TANC1: variants seen among roughly 807,000 people sequenced by gnomAD.
The protein encoded by TANC1 is tetratricopeptide repeat, ankyrin repeat and coiled-coil containing 1.
A neutral mutation model predicts 149.7 loss-of-function variants in TANC1; 77 were observed. The ratio of observed to expected loss-of-function variants is 0.51; its 90% CI spans 0.43 to 0.62. The LOEUF is 0.62. TANC1 is among the 20% of genes least tolerant of loss of function. The pLI, the probability that TANC1 is intolerant of heterozygous loss-of-function variation, is 0.00. For synonymous variants in TANC1, 854 were observed against 925.0 expected (o/e 0.92, Z 1.39); for missense variants, 1,985 against 2,321.8 (o/e 0.85, Z 2.98).
intron 4 of TANC1, among the ~76,000 whole-genome samples, chr2:159,134,793 T>C (rs1175745580): frequency 6.6e-6 from 1 of 151,802 alleles, no homozygotes; most frequent in Admixed American, 6.6e-5. Context: ...TCTTTGTTAT[T>C]ATTTTTGTAT....
In TANC1 at chr2:159,186,998, A is replaced by G; in HGVS notation, c.2716A>G (p.Arg906Gly). ...GCTGTCCGCCGCCCTGGCCTCTCTC[A>G]GGAATCTCTATACTCCCAACGTGAA... The part of the protein sequence containing the change: ...EGLSAALASL[R>G]NLYTPNVKVS... Residue 906 changes from arginine to glycine, a missense_variant, in exon 16 of 27, where the codon AGG (arginine) becomes GGG (glycine). Arg to Gly is a moderately radical substitution (Grantham distance 125). Coordinates refer to ENST00000263635, the MANE Select transcript of TANC1 (RefSeq NM_033394.3). The G allele has an allele frequency of 1.2e-6, 2 of 1,614,206 alleles. No homozygotes were observed. Among genetic ancestry groups the G allele is most frequent in the South Asian group, 1.1e-5 (1 of 91,082 alleles).
At chr2:159,157,925 G>C (rs944537584) in intron 7 of TANC1, among the ~76,000 whole-genome samples, 1 of 152,152 alleles carries the variant, frequency 6.6e-6, no homozygotes. Flanking sequence ...CTGCAACCCA[G>C]GGAAGGACAA....
intron 7 of TANC1, chr2:159,150,770 C>G: frequency 2.6e-6 from 1 of 382,310 alleles, no homozygotes; most frequent in Non-Finnish European, 4.4e-6. Flanking sequence ...ACAGTCAGCT[C>G]ATTTGTTAAA....
intron 2 of TANC1, among the ~76,000 whole-genome samples, chr2:159,053,302 A>G (rs1382302976): frequency 6.6e-6 from 1 of 152,110 alleles, no homozygotes; most frequent in African/African-American, 2.4e-5. Flanking sequence ...AGAAAAAAAT[A>G]AAGCTATTGT....
chr2:159,056,057 C>G, intron 2 of TANC1: 1 of 316,678 alleles, frequency 3.2e-6, no homozygotes, highest in Non-Finnish European at 6.3e-6. Flanking sequence ...AAGAAGCAGT[C>G]AGACTGCATG....
At chr2:159,065,414 A>G (rs1486107708) in intron 2 of TANC1, among the ~76,000 whole-genome samples, 1 of 152,224 alleles carries the variant, frequency 6.6e-6, no homozygotes, top group African/African-American at 2.4e-5. Context: ...GATATGCCTC[A>G]TTTCATAACC....
intron 26 of TANC1, 108 bp from the exon 27 acceptor site, chr2:159,229,470 C>A: frequency 1.0e-6 from 1 of 989,964 alleles, no homozygotes. Context: ...GTGTTCAAAA[C>A]TCACTTGCTA....
At chr2:159,046,339 G>A (rs1011712730) in intron 2 of TANC1, among the ~76,000 whole-genome samples, 1 of 152,222 alleles carries the variant, frequency 6.6e-6, no homozygotes, top group East Asian at 1.9e-4. Context: ...AGAAGGGTGA[G>A]TTTCAGTTTT....
intron 3 of TANC1, among the ~76,000 whole-genome samples, chr2:159,078,521 A>C (rs532144973): frequency 6.6e-6 from 1 of 152,332 alleles, no homozygotes; most frequent in Non-Finnish European, 1.5e-5. Context: ...GAGGTTACAA[A>C]GCAATATTTC....
At chr2:159,117,533 C>T (rs1403775149) in intron 4 of TANC1, among the ~76,000 whole-genome samples, 3 of 151,846 alleles carry the variant, frequency 2.0e-5, no homozygotes, top group Non-Finnish European at 4.4e-5. Flanking sequence ...GTAGCTGTGA[C>T]TACAGGTGCC....
chr2:158,992,893 T>G (rs2035799458), intron 1 of TANC1, among the ~76,000 whole-genome samples: 1 of 152,148 alleles, frequency 6.6e-6, no homozygotes, highest in Non-Finnish European at 1.5e-5. Flanking sequence ...AGCTGCTGTT[T>G]TGTGGAACAT....
At chr2:158,987,040 T>TA (rs2035078161) in intron 1 of TANC1, among the ~76,000 whole-genome samples, 5 of 143,868 alleles carry the variant, frequency 3.5e-5, no homozygotes, top group Non-Finnish European at 7.7e-5. Flanking sequence ...CTGTCTCTAC[T>TA]TAAAAAAAAA....
chr2:159,144,656 G>A (rs1196577060), intron 5 of TANC1, among the ~76,000 whole-genome samples: 1 of 152,142 alleles, frequency 6.6e-6, no homozygotes, highest in Non-Finnish European at 1.5e-5. Context: ...CTCGGCCTCC[G>A]AAAGTGCTGG....
intron 3 of TANC1, among the ~76,000 whole-genome samples, chr2:159,092,443 T>C (rs1479775770): frequency 2.0e-5 from 3 of 152,246 alleles, no homozygotes; most frequent in Non-Finnish European, 4.4e-5. Flanking sequence ...TCTTCCATTA[T>C]GAATTGAAAT....
intron 2 of TANC1, among the ~76,000 whole-genome samples, chr2:159,020,236 C>G (rs1041982149): frequency 2.0e-5 from 3 of 152,156 alleles, no homozygotes; most frequent in Non-Finnish European, 4.4e-5. Flanking sequence ...GCCTCAGCCT[C>G]CTGAGTAGGT....
intron 3 of TANC1, among the ~76,000 whole-genome samples, chr2:159,093,732 A>AC (rs1034457326): frequency 2.0e-5 from 3 of 149,950 alleles, no homozygotes; most frequent in Non-Finnish European, 3.0e-5. Flanking sequence ...TGAAATGGAA[A>AC]CCCCCCTCCC....
chr2:159,171,878 A>AAAGAG (rs2055281888), intron 10 of TANC1, among the ~76,000 whole-genome samples: 1 of 98,076 alleles, frequency 1.0e-5, no homozygotes, highest in African/African-American at 3.3e-5. Flanking sequence ...AAAAAAAAGA[A>AAAGAG]AAAGAAAAAA....
At chr2:158,968,963 G>T (rs891959286) in intron 1 of TANC1, among the ~76,000 whole-genome samples, 181 bp downstream of exon 1, 3 of 152,156 alleles carry the variant, frequency 2.0e-5, no homozygotes, top group Non-Finnish European at 4.4e-5. Context: ...GAGCTTTCCG[G>T]GAATAGGCAC....
chr2:159,085,355 A>T (rs551594886), intron 3 of TANC1, among the ~76,000 whole-genome samples: 311 of 152,298 alleles, frequency 2.0e-3, no homozygotes, highest in Non-Finnish European at 3.1e-3. Flanking sequence ...GCCTAGTCTC[A>T]GGTATTCTTT....
Sources: gnomAD v4.1 joint callset for allele counts (sites outside exome capture counted in the v4.1 genomes callset) on GRCh38, gnomAD v4.1.1 for gene constraint, MANE v1.5 for transcripts, NCBI Gene and HGNC (gene_info 2026-07-23, HGNC 2026-07-21) for gene names.